THSD7B: variants seen among roughly 807,000 people sequenced by gnomAD.
THSD7B encodes the protein thrombospondin type 1 domain containing 7B.
THSD7B carries 138 observed loss-of-function variants against 213.6 expected under a neutral mutation model. That is an observed-to-expected ratio of 0.65 (90% CI 0.56 to 0.74). The LOEUF (loss-of-function observed/expected upper bound fraction) is 0.74. Among genes scored for constraint, THSD7B ranks in the 30% least tolerant of loss-of-function variants. The probability of loss-of-function intolerance (pLI) is 0.00; values close to 1 mark genes in which losing one functional copy is unlikely to be tolerated. For synonymous variants in THSD7B, 742 were observed against 687.0 expected, an observed-to-expected ratio of 1.08 and a Z score of -1.25; for missense variants, 1,931 against 1,991.5, an observed-to-expected ratio of 0.97 and a Z score of 0.58.
In THSD7B at chr2:137,222,519, T is replaced by C. The variant is rs1681393788; in HGVS notation, c.1724-8525T>C. On this transcript the variant is annotated intron_variant, in intron 7 of 27. Transcript: ENST00000409968. ...ACTCTCATGAGAAACAAGGTTTCCA[T>C]ATTAAGTAGATGTCATCAGATCATA... Among the ~76,000 whole-genome samples the C allele has an allele frequency of 2.0e-5, 3 of 152,214 alleles. No individual in the cohort carries two copies. In the South Asian group the frequency reaches 6.2e-4, roughly 32 times the overall value.
chr2:137,195,556 T>G (rs1430963317), intron 7 of THSD7B, among the ~76,000 whole-genome samples: 4 of 152,148 alleles, frequency 2.6e-5, no homozygotes, highest in African/African-American at 9.7e-5. Context: ...AAGGGATTTC[T>G]ACTGGCTAAA....
chr2:137,609,272 T>C (rs1370869895), intron 17 of THSD7B, among the ~76,000 whole-genome samples: 1 of 151,922 alleles, frequency 6.6e-6, no homozygotes, highest in African/African-American at 2.4e-5. Flanking sequence ...AATTAATATA[T>C]AGAATATGAG....
chr2:137,572,498 T>C lies in THSD7B; in HGVS notation c.3365T>C (p.Leu1122Pro). The change falls in exon 17 of 28, where the codon CTT becomes CCT. Residue 1122 changes from leucine to proline, a missense_variant. Coordinates refer to ENST00000409968, the MANE Select transcript of THSD7B (RefSeq NM_001316349.2). ...CCCCCAGAAACCCAGTCCTGTTCTC[T>C]TATGTGTCCCAATGAGTGTGTCATG... Reference protein sequence around the residue: ...EIPPETQSCSLMCPNECVMSE... With the variant: ...EIPPETQSCSPMCPNECVMSE... 6.2e-7 allele frequency: 1 copy of C among 1,613,864 alleles called. No homozygotes were observed.
intron 3 of THSD7B, among the ~76,000 whole-genome samples, chr2:137,094,518 A>C (rs1688003678): frequency 6.6e-6 from 1 of 151,912 alleles, no homozygotes; most frequent in African/African-American, 2.4e-5. Flanking sequence ...AGGTTGCATC[A>C]CTGCACTTCA....
rs181784350 is a variant in THSD7B at position 137,090,010 on chromosome 2, A to C, written c.951-4863A>C. Among the ~76,000 whole-genome samples, 19 of 152,198 alleles carry C rather than the reference A, an allele frequency of 1.2e-4. No individual in the cohort carries two copies. In the East Asian group the frequency reaches 2.9e-3, roughly 23 times the overall value. ...TGACAGAGTTAGAGTCGGTCTCAAA[A>C]AAAAGTAAAAAAAGAAAAAAGAAAA... On this transcript the variant is annotated intron_variant, in intron 3 of 27. Transcript: ENST00000409968.
chr2:137,243,055 A>G (rs188592107), intron 10 of THSD7B, among the ~76,000 whole-genome samples: 17 of 152,316 alleles, frequency 1.1e-4, no homozygotes, highest in African/African-American at 3.4e-4. Context: ...TTGGCAATAT[A>G]TGATTTGTAT....
At chr2:137,278,255 T>A (rs1471581947) in intron 12 of THSD7B, among the ~76,000 whole-genome samples, 3 of 152,106 alleles carry the variant, frequency 2.0e-5, no homozygotes, top group African/African-American at 7.2e-5. Context: ...CTGTGATATT[T>A]CAGACCACCT....
chr2:137,382,234 G>C (rs370653361), intron 12 of THSD7B, among the ~76,000 whole-genome samples: 69 of 152,178 alleles, frequency 4.5e-4, no homozygotes, highest in African/African-American at 1.6e-3. Flanking sequence ...TGTATGTCAT[G>C]GTCTTGTTGA....
rs1188072194 is a variant in THSD7B at position 137,089,445 on chromosome 2, CGT to C, written c.951-5419_951-5418del. Among the ~76,000 whole-genome samples, 20 of 148,512 alleles carry C rather than the reference CGT, an allele frequency of 1.3e-4. No homozygotes were observed. In the Admixed American group the frequency reaches 1.4e-3, roughly 10 times the overall value. ...ATGTATATATGTGTATATATATGTG[CGT>C]GTGTGTGTATAAGATGAAATATGAC... On this transcript the variant is annotated intron_variant, in intron 3 of 27. Coordinates refer to ENST00000409968, the MANE Select transcript of THSD7B (RefSeq NM_001316349.2).
intron 24 of THSD7B, among the ~76,000 whole-genome samples, chr2:137,659,212 C>A (rs1573771473): frequency 6.6e-6 from 1 of 152,252 alleles, no homozygotes; most frequent in East Asian, 1.9e-4. Context: ...CCCATGAATT[C>A]ATTCATGGCA....
chr2:137,358,863 A>T (rs1685192252), intron 12 of THSD7B, among the ~76,000 whole-genome samples: 1 of 152,164 alleles, frequency 6.6e-6, no homozygotes. Context: ...CTGGGTTTGG[A>T]TGTTCACAAA....
At chr2:136,790,722 A>C (rs562203227) in intron 1 of THSD7B, among the ~76,000 whole-genome samples, 1 of 152,220 alleles carries the variant, frequency 6.6e-6, no homozygotes, top group South Asian at 2.1e-4. Flanking sequence ...AAATGTATCC[A>C]GGTTTTCCAG....
chr2:136,953,587 T>C (rs1053743078), intron 2 of THSD7B, among the ~76,000 whole-genome samples: 9 of 152,186 alleles, frequency 5.9e-5, no homozygotes, highest in African/African-American at 1.9e-4. Context: ...ATTAATAAGA[T>C]TAACATGAGT....
Position 137,405,771 on chromosome 2 carries a change from T to A in THSD7B, c.2659T>A (p.Cys887Ser). Reference protein sequence around the residue: ...WSKFTPCSTNCEATKSRRRQL... With the variant: ...WSKFTPCSTNSEATKSRRRQL... The stretch of plus-strand genomic sequence containing the variant: ...CAAGTTTACGCCCTGCTCCACGAAC[T>A]GTGAAGCCACAAAAAGTAGGCGGCG... Residue 887 changes from cysteine to serine, a missense_variant, in exon 13 of 28, where the codon TGT becomes AGT. Transcript: ENST00000409968. The A allele has an allele frequency of 6.2e-7, 1 of 1,613,172 alleles. No individual in the cohort carries two copies. The highest frequency in any genetic ancestry group is 8.5e-7 in the Non-Finnish European group (1 of 1,179,616).
chr2:137,625,381 G>A (rs981932845), intron 20 of THSD7B, among the ~76,000 whole-genome samples: 6 of 151,444 alleles, frequency 4.0e-5, no homozygotes, highest in Non-Finnish European at 1.5e-5. Context: ...TGTAAACAAC[G>A]AGTTAATGGG....
At chr2:137,351,997 T>C (rs1323020986) in intron 12 of THSD7B, among the ~76,000 whole-genome samples, 5 of 151,932 alleles carry the variant, frequency 3.3e-5, no homozygotes, top group Admixed American at 1.3e-4. Flanking sequence ...TTAGTGTTAG[T>C]GTATTTTATG....
intron 15 of THSD7B, among the ~76,000 whole-genome samples, chr2:137,549,276 C>T (rs541927204): frequency 6.0e-5 from 9 of 149,008 alleles, no homozygotes; most frequent in Non-Finnish European, 1.2e-4. Context: ...TTGCTGCCTG[C>T]CAGAAGGCAG....
rs13401379 is a variant in THSD7B at position 137,147,621 on chromosome 2, G to A, written c.1370-12592G>A. 9.5e-3 allele frequency among the ~76,000 whole-genome samples: 1,445 copies of A among 152,132 alleles called. 22 individuals are homozygous for A. Among genetic ancestry groups the A allele is most frequent in the African/African-American group, 0.033 (1,364 of 41,530 alleles). On this transcript the variant is annotated intron_variant, in intron 5 of 27. Transcript: ENST00000409968. ...GGAGAATGTTATTTTGGAGAATGTG[G>A]ATTTCTCCTTGCTATCATTATTACA...
chr2:137,295,130 C>T (rs992281892), intron 12 of THSD7B, among the ~76,000 whole-genome samples: 1 of 151,988 alleles, frequency 6.6e-6, no homozygotes, highest in Admixed American at 6.6e-5. Flanking sequence ...TTACAATTGG[C>T]TCAATTTTCT....
Sources: gnomAD v4.1 joint callset for allele counts (sites outside exome capture counted in the v4.1 genomes callset) on GRCh38, gnomAD v4.1.1 for gene constraint, MANE v1.5 for transcripts, NCBI Gene and HGNC (gene_info 2026-07-23, HGNC 2026-07-21) for gene names.